ZDHHC21: variants seen among roughly 807,000 people sequenced by gnomAD.
ZDHHC21 encodes zDHHC palmitoyltransferase 21.
ZDHHC21 carries 15 observed loss-of-function variants against 34.6 expected under a neutral mutation model. The ratio of observed to expected loss-of-function variants is 0.43; its 90% CI spans 0.29 to 0.67. The LOEUF is 0.67. Ranked by LOEUF, ZDHHC21 falls within the 30% of genes least tolerant of loss-of-function variation. ZDHHC21 has a pLI of 0.14. For missense variants in ZDHHC21, 344 were observed against 327.7 expected, an observed-to-expected ratio of 1.05 and a Z score of -0.38; for synonymous variants, 142 against 101.8, an observed-to-expected ratio of 1.40 and a Z score of -2.38.
At chr9:14,669,861 G>T (rs1835137533) in intron 5 of ZDHHC21, among the ~76,000 whole-genome samples, 1 of 110,954 alleles carries the variant, frequency 9.0e-6, no homozygotes, top group Non-Finnish European at 1.8e-5. Flanking sequence ...TGGTGGGGTG[G>T]GGGGAGGGGG....
the ZDHHC21 span, among the ~76,000 whole-genome samples, chr9:14,603,463 G>A: frequency 2.6e-5 from 4 of 152,122 alleles, no homozygotes; most frequent in East Asian, 5.8e-4. Flanking sequence ...CAAATCAGAT[G>A]TGAAAAAATG....
intron 8 of ZDHHC21, among the ~76,000 whole-genome samples, chr9:14,632,905 C>G (rs775807418): frequency 6.6e-6 from 1 of 152,034 alleles, no homozygotes; most frequent in Non-Finnish European, 1.5e-5. Flanking sequence ...TTTTAAAAGA[C>G]AGGTAATAAC....
chr9:14,634,553 C>A (rs989110268), intron 8 of ZDHHC21, among the ~76,000 whole-genome samples: 11 of 152,160 alleles, frequency 7.2e-5, no homozygotes, highest in Non-Finnish European at 8.8e-5. Context: ...AACAACCACA[C>A]CCTAAGCCAC....
chr9:14,658,717 C>T (rs745564485), intron 7 of ZDHHC21, 32 bp downstream of exon 7: 58 of 1,600,620 alleles, frequency 3.6e-5, no homozygotes, highest in South Asian at 2.5e-4. Flanking sequence ...GTGATCCGCC[C>T]GCCTCGGCCT....
At chr9:14,691,736 G>A (rs1423566529) in intron 1 of ZDHHC21, among the ~76,000 whole-genome samples, 3 of 152,104 alleles carry the variant, frequency 2.0e-5, no homozygotes, top group Non-Finnish European at 4.4e-5. Context: ...TAATAGAATT[G>A]TTTCCATCGA....
Position 14,617,977 on chromosome 9 carries a change from T to A in ZDHHC21, c.*989A>T, listed in dbSNP as rs1396100074. 6.6e-6 allele frequency: 1 copy of A among 152,296 alleles called. No individual in the cohort carries two copies. Among genetic ancestry groups the A allele is most frequent in the East Asian group, 1.9e-4 (1 of 5,186 alleles). The allele number at this position is 152,296 out of a possible 1,614,324, so 9.4% of individuals were successfully genotyped here. On this transcript the variant is annotated 3_prime_UTR_variant, in exon 10 of 10. Coordinates refer to ENST00000380916, the MANE Select transcript of ZDHHC21 (RefSeq NM_178566.6). ...TATATAAACCTTCAATGTGAAATTTTACATCTACTAGTACATAAATAAAAG... is the reference window on the plus strand; with the variant it reads ...TATATAAACCTTCAATGTGAAATTTAACATCTACTAGTACATAAATAAAAG...
chr9:14,659,449 C>T (rs1337411498), intron 6 of ZDHHC21, among the ~76,000 whole-genome samples: 1 of 152,164 alleles, frequency 6.6e-6, no homozygotes, highest in Non-Finnish European at 1.5e-5. Flanking sequence ...CACAGCTATA[C>T]TTCCACCAAT....
At chr9:14,607,887 C>T (rs928380247), downstream of ZDHHC21, among the ~76,000 whole-genome samples, 1 of 152,042 alleles carries the variant, frequency 6.6e-6, no homozygotes, top group African/African-American at 2.4e-5. Flanking sequence ...GACTTTCAAA[C>T]GTAAAAAATG....
At chr9:14,650,385 C>T (rs977630152) in intron 7 of ZDHHC21, among the ~76,000 whole-genome samples, 22 of 151,724 alleles carry the variant, frequency 1.5e-4, no homozygotes, top group South Asian at 1.0e-3. Flanking sequence ...ATTTTAATTC[C>T]ACAATACTCT....
At chr9:14,662,828 C>G (rs1833649962) in intron 5 of ZDHHC21, among the ~76,000 whole-genome samples, 2 of 152,148 alleles carry the variant, frequency 1.3e-5, no homozygotes, top group South Asian at 4.2e-4. Flanking sequence ...CATACACTTT[C>G]CCTAAATCAT....
chr9:14,688,162 G>C (rs1838633753), intron 2 of ZDHHC21, among the ~76,000 whole-genome samples: 2 of 150,824 alleles, frequency 1.3e-5, no homozygotes, highest in Non-Finnish European at 2.9e-5. Context: ...TTATGACATA[G>C]TCTCTTATTC....
chr9:14,658,197 G>A (rs1345941278), intron 7 of ZDHHC21, among the ~76,000 whole-genome samples: 1 of 151,982 alleles, frequency 6.6e-6, no homozygotes, highest in Non-Finnish European at 1.5e-5. Context: ...TTTAAACCAA[G>A]ACACACGTAT....
chr9:14,625,620 CTT>C (rs1826072348), intron 8 of ZDHHC21, among the ~76,000 whole-genome samples: 1 of 151,882 alleles, frequency 6.6e-6, no homozygotes, highest in African/African-American at 2.4e-5. Context: ...AAATGGCAGT[CTT>C]AAGATTTTAG....
chr9:14,643,020 C>T (rs1052994119), intron 7 of ZDHHC21, among the ~76,000 whole-genome samples: 1 of 152,094 alleles, frequency 6.6e-6, no homozygotes, highest in Non-Finnish European at 1.5e-5. Flanking sequence ...GGGTGGATCA[C>T]CTGAGGTCAG....
At position 14,617,154 on chromosome 9, in the gene ZDHHC21, A is replaced by C. The variant is rs2133401053; in HGVS notation, c.*1812T>G. 6.6e-6 allele frequency: 1 copy of C among 152,100 alleles called. No individual in the cohort carries two copies. The highest frequency in any genetic ancestry group is 3.4e-3 in the Middle Eastern group (1 of 294). The allele number at this position is 152,100 out of a possible 1,614,324, so 9.4% of individuals were successfully genotyped here. A position where few individuals can be genotyped will look rare whatever the true frequency, so the allele number is the denominator to read the frequency against. On this transcript the variant is annotated 3_prime_UTR_variant, in exon 10 of 10. Transcript: ENST00000380916. ...TCTGTCACCAGGCCAAATGTGGCCAAATTAGCTTGCACAAAATCCAAACCC... is the reference window on the plus strand; with the variant it reads ...TCTGTCACCAGGCCAAATGTGGCCACATTAGCTTGCACAAAATCCAAACCC...
chr9:14,620,767 T>A (rs890920947), intron 8 of ZDHHC21, among the ~76,000 whole-genome samples: 10 of 151,976 alleles, frequency 6.6e-5, no homozygotes, highest in Non-Finnish European at 1.5e-4. Flanking sequence ...TAAGAGAAAA[T>A]CAGAGAAAAT....
At chr9:14,684,053 A>G (rs1341990545) in intron 2 of ZDHHC21, among the ~76,000 whole-genome samples, 2 of 152,206 alleles carry the variant, frequency 1.3e-5, no homozygotes, top group Non-Finnish European at 2.9e-5. Flanking sequence ...GACGTACCTC[A>G]AAATAATCAG....
At chr9:14,678,507 T>G (rs902053308) in intron 3 of ZDHHC21, among the ~76,000 whole-genome samples, 1 of 152,028 alleles carries the variant, frequency 6.6e-6, no homozygotes, top group Non-Finnish European at 1.5e-5. Context: ...TTGAAAAACT[T>G]TTAGAAAGAT....
chr9:14,653,917 G>A (rs1831711592), intron 7 of ZDHHC21, among the ~76,000 whole-genome samples: 1 of 151,982 alleles, frequency 6.6e-6, no homozygotes, highest in Non-Finnish European at 1.5e-5. Context: ...TAAATACACA[G>A]CTGTTTAAAG....
Sources: gnomAD v4.1 joint callset for allele counts (sites outside exome capture counted in the v4.1 genomes callset) on GRCh38, gnomAD v4.1.1 for gene constraint, MANE v1.5 for transcripts, NCBI Gene and HGNC (gene_info 2026-07-23, HGNC 2026-07-21) for gene names.